The following SNX29 variants were observed in gnomAD, a reference collection of about 807,000 sequenced individuals.
SNX29 encodes sorting nexin-29.
Under a neutral mutation model 102.1 loss-of-function variants are expected in SNX29, and 78 were observed. That is an observed-to-expected ratio of 0.76 (90% confidence interval 0.64 to 0.92). The LOEUF (loss-of-function observed/expected upper bound fraction) is 0.92. SNX29 is among the 40% of genes least tolerant of loss of function. The pLI, the probability that SNX29 is intolerant of heterozygous loss-of-function variation, is 0.00. For missense variants in SNX29, 1,280 were observed against 1,061.7 expected, an observed-to-expected ratio of 1.21 and a Z score of -2.86; for synonymous variants, 580 against 414.5, an observed-to-expected ratio of 1.40 and a Z score of -4.85.
At chr16:12,081,674 C>CAAAAAAAAAAAAAAAAAA (rs1196859241) in intron 11 of SNX29, 1 of 95,388 alleles carries the variant, frequency 1.0e-5, no homozygotes, top group Non-Finnish European at 2.0e-5. Flanking sequence ...CTCTTTGTCT[C>CAAAAAAAAAAAAAAAAAA]AAAAAAAAAA....
chr16:12,559,737 T>C (rs1043440534), intron 20 of SNX29, among the ~76,000 whole-genome samples: 5 of 152,004 alleles, frequency 3.3e-5, no homozygotes, highest in African/African-American at 9.7e-5. Context: ...ATAGATGAAA[T>C]AGTGATGCCC....
At chr16:12,160,331 G>A (rs534519382) in intron 13 of SNX29, among the ~76,000 whole-genome samples, 1 of 152,324 alleles carries the variant, frequency 6.6e-6, no homozygotes, top group Admixed American at 6.5e-5. Context: ...TTAGATTCAG[G>A]ATCTTTCAGC....
chr16:12,526,310 C>T (rs1485944171), intron 20 of SNX29, among the ~76,000 whole-genome samples: 1 of 152,120 alleles, frequency 6.6e-6, no homozygotes, highest in Non-Finnish European at 1.5e-5. Context: ...GTGCTCCTGT[C>T]TGTGGGGTGT....
chr16:12,567,443 C>T (rs1033251331), intron 20 of SNX29, among the ~76,000 whole-genome samples: 2 of 152,128 alleles, frequency 1.3e-5, no homozygotes, highest in African/African-American at 4.8e-5. Context: ...CATTCCTAGC[C>T]CCAGAATTTA....
chr16:12,366,097 T>C (rs2082471032), intron 16 of SNX29, among the ~76,000 whole-genome samples: 1 of 149,948 alleles, frequency 6.7e-6, no homozygotes, highest in Non-Finnish European at 1.5e-5. Context: ...GTGGGGGGTT[T>C]GCATAGTTGC....
At chr16:12,251,699 T>C (rs148352191) in intron 14 of SNX29, among the ~76,000 whole-genome samples, 1 of 152,028 alleles carries the variant, frequency 6.6e-6, no homozygotes, top group Admixed American at 6.5e-5. Context: ...TAAGACTCTG[T>C]CTCCAAAACA....
chr16:12,350,538 G>C (rs2081964241), intron 15 of SNX29, among the ~76,000 whole-genome samples: 2 of 152,280 alleles, frequency 1.3e-5, no homozygotes, highest in South Asian at 4.1e-4. Context: ...TCCGCTGTGG[G>C]CAGGCAGGGT....
At chr16:12,186,401 C>G (rs1203836814) in intron 13 of SNX29, among the ~76,000 whole-genome samples, 1 of 152,106 alleles carries the variant, frequency 6.6e-6, no homozygotes, top group Non-Finnish European at 1.5e-5. Context: ...TTTTCCTGAT[C>G]TATTTAAGAA....
chr16:12,199,268 A>T (rs2076854839), intron 13 of SNX29, among the ~76,000 whole-genome samples: 1 of 152,238 alleles, frequency 6.6e-6, no homozygotes, highest in Non-Finnish European at 1.5e-5. Context: ...AGAGAAGACT[A>T]GAGTTCCTGA....
chr16:12,541,697 G>GGGA (rs1310196855), intron 20 of SNX29, among the ~76,000 whole-genome samples: 2 of 151,910 alleles, frequency 1.3e-5, no homozygotes, highest in Non-Finnish European at 2.9e-5. Flanking sequence ...ACCCTGGGGC[G>GGGA]GGAGTGGGTT....
intron 19 of SNX29, among the ~76,000 whole-genome samples, chr16:12,497,287 AC>A (rs1161873195): frequency 2.0e-5 from 3 of 152,150 alleles, no homozygotes; most frequent in Non-Finnish European, 4.4e-5. Flanking sequence ...TATTTCACAA[AC>A]CTGTATTGAA....
At chr16:12,199,114 G>A (rs2076851109) in intron 13 of SNX29, among the ~76,000 whole-genome samples, 1 of 152,154 alleles carries the variant, frequency 6.6e-6, no homozygotes, top group Non-Finnish European at 1.5e-5. Context: ...TAGTGCTTTG[G>A]AAGGATTCAA....
At chr16:12,555,995 T>C (rs2078319947) in intron 20 of SNX29, among the ~76,000 whole-genome samples, 1 of 152,178 alleles carries the variant, frequency 6.6e-6, no homozygotes, top group African/African-American at 2.4e-5. Context: ...AGTGTTTTTT[T>C]TGTTCACTTG....
rs569508790 is a variant in SNX29 at position 12,544,189 on chromosome 16, C to T, written c.2318+19348C>T. Reference sequence around the variant, plus strand: ...GGATGGGAATCGGTGGTGTGCACATCAGCCAAGGCTTCAGAACCGTGACAG... The same window carrying T: ...GGATGGGAATCGGTGGTGTGCACATTAGCCAAGGCTTCAGAACCGTGACAG... On this transcript the variant is annotated intron_variant, in intron 20 of 20. Transcript: ENST00000566228. Among the ~76,000 whole-genome samples the T allele has an allele frequency of 9.8e-5, 15 of 152,342 alleles. No homozygotes were observed. The East Asian group carries it at 2.9e-3, about 29-fold the overall frequency.
intron 3 of SNX29, among the ~76,000 whole-genome samples, chr16:12,025,473 G>A (rs868493485): frequency 5.7e-4 from 87 of 152,144 alleles, no homozygotes; most frequent in African/African-American, 2.1e-3. Flanking sequence ...ACTGGAAAAA[G>A]ATTTGTGGAA....
At position 12,033,268 on chromosome 16, in the gene SNX29, A is replaced by C. The variant is rs574428509; in HGVS notation, c.247+5824A>C. On this transcript the variant is annotated intron_variant, in intron 4 of 20. Coordinates refer to ENST00000566228, the MANE Select transcript of SNX29 (RefSeq NM_032167.5). Reference sequence around the variant, plus strand: ...CATATATATATATGTATGTATAGTAATTTTATTATTTTTTTGTAGGGACAG... The same window carrying C: ...CATATATATATATGTATGTATAGTACTTTTATTATTTTTTTGTAGGGACAG... Among the ~76,000 whole-genome samples, 21 of 152,034 alleles carry C rather than the reference A, an allele frequency of 1.4e-4. No individual in the cohort carries two copies. In the East Asian group the frequency reaches 3.1e-3, roughly 22 times the overall value.
At chr16:12,382,661 C>A (rs745883623) in intron 16 of SNX29, among the ~76,000 whole-genome samples, 4 of 152,174 alleles carry the variant, frequency 2.6e-5, no homozygotes, top group African/African-American at 9.7e-5. Flanking sequence ...TTTATTTGCT[C>A]GCAGTTCTGG....
chr16:12,061,564 C>G lies in SNX29; in HGVS notation c.1161C>G (p.His387Gln). The G allele has an allele frequency of 6.2e-7, 1 of 1,610,338 alleles. No individual in the cohort carries two copies. The highest frequency in any genetic ancestry group is 8.5e-7 in the Non-Finnish European group (1 of 1,178,740). The change falls in exon 9 of 21, where the codon CAC (histidine) becomes CAG (glutamine). Residue 387 changes from histidine (H) to glutamine (Q), a missense_variant. Physicochemically the swap from His to Gln is conservative, Grantham distance 24. Coordinates refer to ENST00000566228, the MANE Select transcript of SNX29 (RefSeq NM_032167.5). ...LEGNTCLSQM[H>Q]SWAPLKVLHN... ...GGAACACCTGCCTCTCCCAGATGCA[C>G]AGCTGGGCTCCGCTGAAGGTGCTGC...
At chr16:12,433,526 G>C (rs2085399573) in intron 18 of SNX29, among the ~76,000 whole-genome samples, 1 of 151,702 alleles carries the variant, frequency 6.6e-6, no homozygotes, top group Non-Finnish European at 1.5e-5. Context: ...AGCTACTAAA[G>C]AGGCTGAGGC....
Sources: allele counts gnomAD v4.1 joint callset (sites outside exome capture counted in the v4.1 genomes callset), GRCh38; gene constraint gnomAD v4.1.1; transcripts MANE v1.5; gene names NCBI Gene and HGNC (gene_info 2026-07-23, HGNC 2026-07-21).